The following OLFML2B variants were observed in gnomAD, a reference collection of about 807,000 sequenced individuals.
The protein encoded by OLFML2B is olfactomedin-like protein 2B.
OLFML2B carries 57 observed loss-of-function variants against 74.9 expected under a neutral mutation model. That is an observed-to-expected ratio of 0.76 (90% CI 0.61 to 0.95). The LOEUF is 0.95. OLFML2B is among the 40% of genes least tolerant of loss of function. OLFML2B has a pLI of 0.00. For synonymous variants in OLFML2B, 388 were observed against 405.8 expected (o/e 0.96, Z 0.53); for missense variants, 986 against 970.6 (o/e 1.02, Z -0.21).
intron 3 of OLFML2B, among the ~76,000 whole-genome samples, chr1:162,010,114 A>G (rs1029830066): frequency 9.2e-5 from 14 of 152,234 alleles, no homozygotes; most frequent in African/African-American, 1.7e-4. Context: ...ACACTGAAGA[A>G]GAGGGAAGGG....
At chr1:161,998,704 C>G (rs975337810) in intron 5 of OLFML2B, among the ~76,000 whole-genome samples, 3 of 152,156 alleles carry the variant, frequency 2.0e-5, no homozygotes, top group Non-Finnish European at 4.4e-5. Context: ...CAACAGCAAG[C>G]AAAACAAGGA....
In OLFML2B at chr1:161,993,059, A is replaced by C. The variant is rs570526375; in HGVS notation, c.1474+4766T>G. On this transcript the variant is annotated intron_variant, in intron 6 of 7. Coordinates refer to ENST00000294794, the MANE Select transcript of OLFML2B (RefSeq NM_015441.3). ...TTACTTACAATAGCATGGAACAGCA[A>C]ATAAAAAACACCATAAGGAGAGAGA... Among the ~76,000 whole-genome samples the C allele has an allele frequency of 2.4e-4, 36 of 152,350 alleles. 1 individual carries two copies. The East Asian group carries it at 2.5e-3, about 11-fold the overall frequency.
chr1:162,010,712 C>G (rs12025136), intron 3 of OLFML2B, among the ~76,000 whole-genome samples: 1 of 151,798 alleles, frequency 6.6e-6, no homozygotes. Flanking sequence ...TCTGTGGTCT[C>G]GTTTTTACAA....
Position 162,023,577 on chromosome 1 carries a change from G to A in OLFML2B, c.-147C>T. The A allele has an allele frequency of 2.7e-6, 2 of 732,122 alleles. No individual in the cohort carries two copies. The highest frequency in any genetic ancestry group is 4.0e-6 in the Non-Finnish European group (2 of 499,400). 45.4% of individuals were successfully genotyped at this position (732,122 alleles called of 1,614,324 possible). ...TCTAAAGCTGGGTGCGGCTGAGCGG[G>A]ACGGGAGGGTGCGCCCCAGAGACTC... On this transcript the variant is annotated 5_prime_UTR_variant, in exon 1 of 8. Coordinates refer to ENST00000294794, the MANE Select transcript of OLFML2B (RefSeq NM_015441.3).
At chr1:161,993,790 G>A (rs1689811231) in intron 6 of OLFML2B, among the ~76,000 whole-genome samples, 1 of 152,162 alleles carries the variant, frequency 6.6e-6, no homozygotes. Flanking sequence ...CCCTCAGAGA[G>A]GAGCCCCATG....
intron 2 of OLFML2B, among the ~76,000 whole-genome samples, chr1:162,019,118 G>A (rs889364663): frequency 7.2e-5 from 11 of 152,204 alleles, no homozygotes; most frequent in Admixed American, 5.2e-4. Context: ...CTGAGTGAGT[G>A]CCAGATGCCA....
At chr1:161,993,801 G>C (rs1377553395) in intron 6 of OLFML2B, among the ~76,000 whole-genome samples, 2 of 152,174 alleles carry the variant, frequency 1.3e-5, no homozygotes, top group East Asian at 3.9e-4. Context: ...GAGCCCCATG[G>C]CAGAAGTGAT....
intron 4 of OLFML2B, among the ~76,000 whole-genome samples, chr1:162,005,902 C>CA (rs71093139): frequency 0.16 from 12,354 of 77,234 alleles, 1,860 homozygotes; most frequent in East Asian, 0.29. Flanking sequence ...TGGAACCTAT[C>CA]AAAAAAAAAA....
chr1:162,005,913 A>G (rs865932727), intron 4 of OLFML2B, among the ~76,000 whole-genome samples: 1 of 147,852 alleles, frequency 6.8e-6, no homozygotes, highest in East Asian at 1.9e-4. Context: ...AAAAAAAAAA[A>G]AAAAAAAAAA....
At chr1:162,013,891 AACACAC>A (rs59665350) in intron 3 of OLFML2B, among the ~76,000 whole-genome samples, 19,891 of 142,948 alleles carry the variant, frequency 0.14, 1,465 homozygotes, top group African/African-American at 0.17. Context: ...AAAAAAGCCC[AACACAC>A]ACACACACAC....
chr1:161,989,957 T>C (rs1689690612), intron 6 of OLFML2B, among the ~76,000 whole-genome samples: 8 of 152,192 alleles, frequency 5.3e-5, no homozygotes, highest in Admixed American at 5.2e-4. Flanking sequence ...ACACAAATGG[T>C]CAAGGAACCC....
rs147124102 is a variant in OLFML2B, at chr1:161,998,977, A to T, written c.950-628T>A. Reference sequence around the variant, plus strand: ...ATTCCATGGGTGAATAACCACAGAGAAAAGGCCCTGAGGCAGGACATGCGT... The same window carrying T: ...ATTCCATGGGTGAATAACCACAGAGTAAAGGCCCTGAGGCAGGACATGCGT... On this transcript the variant is annotated intron_variant, in intron 5 of 7. Coordinates refer to ENST00000294794, the MANE Select transcript of OLFML2B (RefSeq NM_015441.3). Among the ~76,000 whole-genome samples, 311 of 152,344 alleles carry T rather than the reference A, an allele frequency of 2.0e-3. 2 individuals are homozygous for T. Among genetic ancestry groups the T allele is most frequent in the African/African-American group, 6.9e-3 (289 of 41,592 alleles).
At chr1:162,009,451 G>A (rs955076860) in intron 3 of OLFML2B, among the ~76,000 whole-genome samples, 14 of 152,058 alleles carry the variant, frequency 9.2e-5, no homozygotes, top group Non-Finnish European at 1.9e-4. Flanking sequence ...GGCAAAGGGT[G>A]CCCCCCCAAC....
At chr1:162,014,498 C>A (rs1007411837) in intron 3 of OLFML2B, among the ~76,000 whole-genome samples, 1 of 152,226 alleles carries the variant, frequency 6.6e-6, no homozygotes, top group African/African-American at 2.4e-5. Flanking sequence ...CAATCTGACC[C>A]CTTTTTTGTC....
At chr1:162,010,086 C>T (rs1158173617) in intron 3 of OLFML2B, among the ~76,000 whole-genome samples, 3 of 152,156 alleles carry the variant, frequency 2.0e-5, no homozygotes, top group Admixed American at 2.0e-4. Flanking sequence ...ACCCATGGCC[C>T]CTGCCAAGGA....
At chr1:161,996,786 C>T (rs1689918685) in intron 6 of OLFML2B, among the ~76,000 whole-genome samples, 2 of 152,236 alleles carry the variant, frequency 1.3e-5, no homozygotes, top group Non-Finnish European at 2.9e-5. Context: ...CAGAATAGGG[C>T]TGCATTCTCC....
At chr1:162,001,645 G>C (rs1430323044) in intron 4 of OLFML2B, among the ~76,000 whole-genome samples, 1 of 152,184 alleles carries the variant, frequency 6.6e-6, no homozygotes, top group Non-Finnish European at 1.5e-5. Context: ...CTGAACACAA[G>C]TCCTAATGAA....
In OLFML2B at chr1:162,023,647, C is replaced by T. The variant is rs1690805697; in HGVS notation, c.-217G>A. ...GCGAGCAGCCCTCGACTGTGCAGCC[C>T]CAGTGGAGAGCCGGACGCAAGGAAG... On this transcript the variant is annotated 5_prime_UTR_variant, in exon 1 of 8. Coordinates refer to ENST00000294794, the MANE Select transcript of OLFML2B (RefSeq NM_015441.3). 1 of 377,130 alleles carries T rather than the reference C, an allele frequency of 2.7e-6. No individual in the cohort carries two copies. Among genetic ancestry groups the T allele is most frequent in the Non-Finnish European group, 4.7e-6 (1 of 214,048 alleles). 23.4% of individuals were successfully genotyped at this position (377,130 alleles called of 1,614,324 possible). A position where few individuals can be genotyped will look rare whatever the true frequency, so the allele number is the denominator to read the frequency against.
chr1:161,997,693 G>T, intron 6 of OLFML2B, 132 bp downstream of exon 6: 1 of 966,402 alleles, frequency 1.0e-6, no homozygotes, highest in Non-Finnish European at 1.5e-6. Flanking sequence ...GTTGGTCAAA[G>T]GCTTAACTCC....
Sources: allele counts gnomAD v4.1 joint callset (sites outside exome capture counted in the v4.1 genomes callset), GRCh38; gene constraint gnomAD v4.1.1; transcripts MANE v1.5; gene names NCBI Gene and HGNC (gene_info 2026-07-23, HGNC 2026-07-21).